The following MGLL variants were observed in gnomAD, a reference collection of about 807,000 sequenced individuals.
MGLL encodes monoglyceride lipase, also known as lysophospholipase homolog.
MGLL carries 7 observed loss-of-function variants against 29.1 expected under a neutral mutation model. That is an observed-to-expected ratio of 0.24 (90% confidence interval 0.14 to 0.45). MGLL has a LOEUF of 0.45. Ranked by LOEUF, MGLL falls within the 20% of genes least tolerant of loss-of-function variation. The pLI is 0.99. For synonymous variants in MGLL, 148 were observed against 168.3 expected (o/e 0.88, Z 0.93); for missense variants, 356 against 413.6 (o/e 0.86, Z 1.21).
chr3:127,768,453 T>C (rs1315616436), intron 3 of MGLL, among the ~76,000 whole-genome samples: 1 of 152,236 alleles, frequency 6.6e-6, no homozygotes, highest in African/African-American at 2.4e-5. Context: ...ACACTGCCAC[T>C]TCCTGTGCCA....
chr3:127,695,293 T>G, intron 6 of MGLL, 103 bp from the exon 7 acceptor site: 2 of 1,205,300 alleles, frequency 1.7e-6, no homozygotes, highest in South Asian at 2.8e-5. Context: ...CCTGAAGGGT[T>G]GATTCCATTC....
upstream of MGLL, chr3:127,822,691 GC>G (rs893723630): frequency 2.5e-4 from 74 of 290,404 alleles, no homozygotes; most frequent in Non-Finnish European, 4.3e-4. Flanking sequence ...AAATGCGGGT[GC>G]CCAAGGCAAA....
At chr3:127,773,873 G>C (rs2076989631) in intron 3 of MGLL, among the ~76,000 whole-genome samples, 1 of 152,188 alleles carries the variant, frequency 6.6e-6, no homozygotes, top group African/African-American at 2.4e-5. Context: ...CGCCACCCAA[G>C]TTCAAGGCTC....
At chr3:127,699,616 C>T (rs1004885698) in intron 6 of MGLL, among the ~76,000 whole-genome samples, 4 of 152,208 alleles carry the variant, frequency 2.6e-5, no homozygotes, top group Non-Finnish European at 5.9e-5. Context: ...AGGTAAGAAC[C>T]TAGGCACTCT....
chr3:127,718,258 G>A (rs965124418), intron 5 of MGLL, among the ~76,000 whole-genome samples: 1 of 152,152 alleles, frequency 6.6e-6, no homozygotes, highest in Non-Finnish European at 1.5e-5. Context: ...GAAGGTGCCT[G>A]GTGCTGGGAA....
intron 2 of MGLL, among the ~76,000 whole-genome samples, chr3:127,785,696 T>C (rs1199052775): frequency 6.6e-6 from 1 of 152,204 alleles, no homozygotes; most frequent in Admixed American, 6.5e-5. Context: ...GCAACAACAG[T>C]GGGTCCTACT....
intron 5 of MGLL, chr3:127,710,966 T>C (rs1480881174): frequency 4.7e-6 from 2 of 423,032 alleles, no homozygotes; most frequent in South Asian, 4.1e-5. Flanking sequence ...CGCTCATGGG[T>C]TGTAATTTTG....
chr3:127,704,901 A>C (rs1439934055), intron 6 of MGLL, among the ~76,000 whole-genome samples: 1 of 152,232 alleles, frequency 6.6e-6, no homozygotes, highest in South Asian at 2.1e-4. Context: ...AAATCATTCT[A>C]TTATAAAGAT....
Position 127,794,799 on chromosome 3 carries a change from A to G in MGLL, c.156-12904T>C, listed in dbSNP as rs72973758. Reference sequence around the variant, plus strand: ...CTTCTATGATGTAAGACTCTCTTCTATGAGTCTTATGTAGGCCTCCTCCTC... The same window carrying G: ...CTTCTATGATGTAAGACTCTCTTCTGTGAGTCTTATGTAGGCCTCCTCCTC... On this transcript the variant is annotated intron_variant, in intron 2 of 7. Coordinates refer to ENST00000265052, the MANE Select transcript of MGLL (RefSeq NM_007283.7). Among the ~76,000 whole-genome samples the G allele has an allele frequency of 7.0e-3, 1,063 of 152,320 alleles. 11 individuals are homozygous for G. The highest frequency in any genetic ancestry group is 0.024 in the African/African-American group (1,007 of 41,568).
In MGLL at chr3:127,789,380, C is replaced by G. The variant is rs573837207; in HGVS notation, c.156-7485G>C. Among the ~76,000 whole-genome samples, 7 of 152,302 alleles carry G rather than the reference C, an allele frequency of 4.6e-5. No individual in the cohort carries two copies. The South Asian group carries it at 1.2e-3, about 27-fold the overall frequency. ...ACAATGGGAATTAGACTCATCATCCCTGACACCCAACCCAATCTTAGCTTA... is the reference window on the plus strand; with the variant it reads ...ACAATGGGAATTAGACTCATCATCCGTGACACCCAACCCAATCTTAGCTTA... On this transcript the variant is annotated intron_variant, in intron 2 of 7. Coordinates refer to ENST00000265052, the MANE Select transcript of MGLL (RefSeq NM_007283.7).
rs115322351 is a variant in MGLL at position 127,771,504 on chromosome 3, G to A, written c.262+10285C>T. Among the ~76,000 whole-genome samples, 857 of 152,134 alleles carry A rather than the reference G, an allele frequency of 5.6e-3. 7 individuals are homozygous for A. The highest frequency in any genetic ancestry group is 0.018 in the African/African-American group (766 of 41,502). ...CCCAAGTAGCTGAGATCATAGGCAT[G>A]CACCTTTAAGCACTGCTAATTTTTG... On this transcript the variant is annotated intron_variant, in intron 3 of 7. Coordinates refer to ENST00000265052, the MANE Select transcript of MGLL (RefSeq NM_007283.7).
intron 3 of MGLL, among the ~76,000 whole-genome samples, chr3:127,747,732 C>G (rs1016083665): frequency 2.0e-5 from 3 of 152,210 alleles, no homozygotes; most frequent in Non-Finnish European, 1.5e-5. Flanking sequence ...TCCCTTGAGA[C>G]AGGAGCTTCC....
intron 6 of MGLL, among the ~76,000 whole-genome samples, chr3:127,696,706 G>T (rs1347280082): frequency 1.3e-5 from 2 of 151,952 alleles, no homozygotes; most frequent in Non-Finnish European, 2.9e-5. Context: ...GAGCTACCGC[G>T]CCCGGCCCCA....
At chr3:127,818,182 C>T (rs1333553618) in intron 2 of MGLL, among the ~76,000 whole-genome samples, 3 of 152,160 alleles carry the variant, frequency 2.0e-5, no homozygotes, top group Admixed American at 6.5e-5. Flanking sequence ...AGGCTGGTCT[C>T]GAACTCCTGG....
At chr3:127,735,991 G>A (rs1029013159) in intron 3 of MGLL, 123 of 1,420,210 alleles carry the variant, frequency 8.7e-5, no homozygotes, top group Non-Finnish European at 1.0e-4. Flanking sequence ...GTTCCTTCAC[G>A]CTAAAAGCTC....
intron 2 of MGLL, among the ~76,000 whole-genome samples, chr3:127,790,313 C>T (rs1206813113): frequency 6.6e-6 from 1 of 152,176 alleles, no homozygotes; most frequent in African/African-American, 2.4e-5. Flanking sequence ...CTAACATTGT[C>T]GTCTCCCCAG....
chr3:127,781,232 ATG>A (rs1246687060), intron 3 of MGLL, among the ~76,000 whole-genome samples: 2 of 152,036 alleles, frequency 1.3e-5, no homozygotes, highest in Non-Finnish European at 2.9e-5. Flanking sequence ...ACAGGTGTGT[ATG>A]TGTGTGCATG....
At chr3:127,718,954 T>C (rs138460774) in intron 5 of MGLL, among the ~76,000 whole-genome samples, 1 of 152,332 alleles carries the variant, frequency 6.6e-6, no homozygotes, top group Non-Finnish European at 1.5e-5. Flanking sequence ...GAATGCATCA[T>C]GGACTTTGTC....
At chr3:127,785,632 C>T (rs1029814639) in intron 2 of MGLL, among the ~76,000 whole-genome samples, 5 of 152,236 alleles carry the variant, frequency 3.3e-5, no homozygotes, top group African/African-American at 7.2e-5. Context: ...CTGCGCAAGT[C>T]GCCTGATGGC....
Sources: gnomAD v4.1 joint callset for allele counts (sites outside exome capture counted in the v4.1 genomes callset) on GRCh38, gnomAD v4.1.1 for gene constraint, MANE v1.5 for transcripts, NCBI Gene and HGNC (gene_info 2026-07-23, HGNC 2026-07-21) for gene names.